The following RAP1GDS1 variants were observed in gnomAD, a reference collection of about 807,000 sequenced individuals.
RAP1GDS1 encodes the protein Rap1 GTPase-GDP dissociation stimulator 1.
RAP1GDS1 carries 35 observed loss-of-function variants against 71.1 expected under a neutral mutation model. The observed-to-expected ratio is 0.49, with a 90% CI of 0.38 to 0.65. RAP1GDS1 has a LOEUF of 0.65. Among genes scored for constraint, RAP1GDS1 ranks in the 30% least tolerant of loss-of-function variants. The pLI, the probability that RAP1GDS1 is intolerant of heterozygous loss-of-function variation, is 0.00. For missense variants in RAP1GDS1, 663 were observed against 706.1 expected, an observed-to-expected ratio of 0.94 and a Z score of 0.69; for synonymous variants, 229 against 243.1, an observed-to-expected ratio of 0.94 and a Z score of 0.54.
chr4:98,420,750 G>A (rs771707083), intron 11 of RAP1GDS1, among the ~76,000 whole-genome samples: 32 of 151,988 alleles, frequency 2.1e-4, no homozygotes, highest in Non-Finnish European at 3.4e-4. Context: ...CATCAGTTTC[G>A]GCAGGGGGTG....
At chr4:98,364,326 C>T (rs1739170075) in intron 4 of RAP1GDS1, among the ~76,000 whole-genome samples, 1 of 152,076 alleles carries the variant, frequency 6.6e-6, no homozygotes, top group African/African-American at 2.4e-5. Flanking sequence ...TAAAAGTCAT[C>T]TCAGCCACCC....
intron 2 of RAP1GDS1, among the ~76,000 whole-genome samples, chr4:98,325,956 A>G (rs1286901112): frequency 6.6e-6 from 1 of 151,930 alleles, no homozygotes; most frequent in African/African-American, 2.4e-5. Flanking sequence ...GTAGTGCTAG[A>G]TATATTATAT....
intron 2 of RAP1GDS1, among the ~76,000 whole-genome samples, chr4:98,332,599 C>T (rs1211955922): frequency 6.6e-6 from 1 of 152,170 alleles, no homozygotes; most frequent in Admixed American, 6.5e-5. Context: ...AGAATTTAAA[C>T]TTCTGAGCTA....
chr4:98,361,780 C>T (rs930721898), intron 4 of RAP1GDS1, among the ~76,000 whole-genome samples: 1 of 152,172 alleles, frequency 6.6e-6, no homozygotes, highest in Non-Finnish European at 1.5e-5. Context: ...AATGTATATA[C>T]ACCTTGAAAT....
intron 6 of RAP1GDS1, chr4:98,395,854 A>G (rs529430247): frequency 6.6e-6 from 1 of 152,362 alleles, no homozygotes; most frequent in African/African-American, 2.4e-5. Flanking sequence ...ATGGGAGTGT[A>G]TGAATCCATT....
At chr4:98,421,983 G>A (rs1319083240) in intron 12 of RAP1GDS1, among the ~76,000 whole-genome samples, 1 of 151,892 alleles carries the variant, frequency 6.6e-6, no homozygotes, top group Non-Finnish European at 1.5e-5. Context: ...AGATCATGAG[G>A]TCAGGAGATC....
intron 2 of RAP1GDS1, among the ~76,000 whole-genome samples, chr4:98,301,146 A>G (rs2110296345): frequency 6.6e-6 from 1 of 152,280 alleles, no homozygotes; most frequent in Non-Finnish European, 1.5e-5. Flanking sequence ...TGTTCCACAG[A>G]AGTGATGTAT....
chr4:98,399,290 G>A (rs1745008353), intron 6 of RAP1GDS1, among the ~76,000 whole-genome samples: 1 of 152,132 alleles, frequency 6.6e-6, no homozygotes, highest in African/African-American at 2.4e-5. Context: ...TACAGAATGG[G>A]AGAAAATATT....
At chr4:98,333,584 A>G (rs1313757413) in intron 2 of RAP1GDS1, among the ~76,000 whole-genome samples, 6 of 152,090 alleles carry the variant, frequency 3.9e-5, no homozygotes, top group Non-Finnish European at 7.4e-5. Context: ...TTTAATGAAT[A>G]TCTATTACTT....
intron 4 of RAP1GDS1, among the ~76,000 whole-genome samples, chr4:98,367,649 T>C (rs1739705791): frequency 6.6e-6 from 1 of 152,226 alleles, no homozygotes; most frequent in South Asian, 2.1e-4. Flanking sequence ...ACCTACCTCT[T>C]GCATCAGCGT....
chr4:98,273,544 C>A (rs2110236015), intron 1 of RAP1GDS1, among the ~76,000 whole-genome samples: 1 of 151,990 alleles, frequency 6.6e-6, no homozygotes, highest in South Asian at 2.1e-4. Context: ...TTTGGGATAA[C>A]ATTTCACTTA....
At chr4:98,268,041 T>C (rs1578243968) in intron 1 of RAP1GDS1, among the ~76,000 whole-genome samples, 1 of 152,170 alleles carries the variant, frequency 6.6e-6, no homozygotes, top group African/African-American at 2.4e-5. Context: ...TTTTTAATAA[T>C]AGCCATTCTG....
At chr4:98,343,096 A>G (rs1011805484) in intron 2 of RAP1GDS1, 43 bp from the exon 3 acceptor site, 3 of 1,551,996 alleles carry the variant, frequency 1.9e-6, no homozygotes, top group African/African-American at 2.8e-5. Context: ...CAGTGTTAGC[A>G]TTAAAGATTT....
intron 2 of RAP1GDS1, chr4:98,297,086 C>T (rs1451365808): frequency 1.8e-5 from 3 of 164,182 alleles, no homozygotes; most frequent in Non-Finnish European, 4.0e-5. Context: ...ACGAGAGTCA[C>T]GTAATTGTTT....
Position 98,418,703 on chromosome 4 carries a change from T to A in RAP1GDS1, c.1086T>A (p.Leu362=), listed in dbSNP as rs765040803. Residue 362 remains leucine (L), a synonymous_variant, in exon 10 of 15, where the codon CTT becomes CTA. Transcript: ENST00000408927. ...HMVDNGIVEK[L]MDLLDRHVED... The stretch of plus-strand genomic sequence containing the variant: ...TAGACAATGGGATTGTAGAAAAACT[T>A]ATGGATTTACTGGACAGACATGTAG... 6.2e-7 allele frequency: 1 copy of A among 1,611,878 alleles called. No individual in the cohort carries two copies. The highest frequency in any genetic ancestry group is 8.5e-7 in the Non-Finnish European group (1 of 1,179,128).
At position 98,268,548 on chromosome 4, in the gene RAP1GDS1, A is replaced by G. The variant is rs556482623; in HGVS notation, c.4+6979A>G. ...CTGTTTAAAGATAGCATGGTCTTAT[A>G]CATAGAAAGCCTTAAAGACTCCTTG... On this transcript the variant is annotated intron_variant, in intron 1 of 14. Transcript: ENST00000408927. Among the ~76,000 whole-genome samples, 3 of 152,260 alleles carry G rather than the reference A, an allele frequency of 2.0e-5. No individual in the cohort carries two copies. The South Asian group carries it at 6.2e-4, about 32-fold the overall frequency.
At chr4:98,362,564 G>A (rs1282327472) in intron 4 of RAP1GDS1, among the ~76,000 whole-genome samples, 2 of 148,538 alleles carry the variant, frequency 1.3e-5, no homozygotes, top group African/African-American at 5.2e-5. Flanking sequence ...ATTAAAAGCA[G>A]TATATTTAAT....
At chr4:98,297,539 G>C (rs961351707) in intron 2 of RAP1GDS1, among the ~76,000 whole-genome samples, 1 of 152,084 alleles carries the variant, frequency 6.6e-6, no homozygotes, top group Admixed American at 6.6e-5. Context: ...TTGGTAATCT[G>C]TGTCAATGAT....
At chr4:98,397,606 T>C (rs760009122) in intron 6 of RAP1GDS1, among the ~76,000 whole-genome samples, 13 of 152,166 alleles carry the variant, frequency 8.5e-5, no homozygotes, top group Non-Finnish European at 1.6e-4. Context: ...TAGCAAACCT[T>C]TGACATCTGA....
Sources: gnomAD v4.1 joint callset for allele counts (sites outside exome capture counted in the v4.1 genomes callset) on GRCh38, gnomAD v4.1.1 for gene constraint, MANE v1.5 for transcripts, NCBI Gene and HGNC (gene_info 2026-07-23, HGNC 2026-07-21) for gene names.